ABLIM1: variants seen among roughly 807,000 people sequenced by gnomAD.
The protein encoded by ABLIM1 is actin binding LIM protein 1.
Under a neutral mutation model 107.0 loss-of-function variants are expected in ABLIM1, and 40 were observed. The ratio of observed to expected loss-of-function variants is 0.37; its 90% CI spans 0.29 to 0.49. The LOEUF is 0.49. ABLIM1 is among the 20% of genes least tolerant of loss of function. The pLI is 0.97. For missense variants in ABLIM1, 857 were observed against 1,008.5 expected (o/e 0.85, Z 2.04); for synonymous variants, 357 against 357.3 (o/e 1.00, Z 0.01).
chr10:114,766,122 T>C lies in ABLIM1; in HGVS notation c.-213+1939A>G, dbSNP rs111988654. ...CCAAGCTTAGCTCAGGCAAATTTTA[T>C]AATCTCTCAAAACCTCAATTCCTTC... On this transcript the variant is annotated intron_variant, in intron 1 of 15. Transcript: ENST00000651092. Among the ~76,000 whole-genome samples, 710 of 152,338 alleles carry C rather than the reference T, an allele frequency of 4.7e-3. 10 individuals are homozygous for C. Among genetic ancestry groups the C allele is most frequent in the African/African-American group, 0.016 (664 of 41,580 alleles).
chr10:114,781,707 T>C, the ABLIM1 span, among the ~76,000 whole-genome samples: 1 of 148,574 alleles, frequency 6.7e-6, no homozygotes, highest in Admixed American at 6.8e-5. Flanking sequence ...ACCATCCTTC[T>C]ACTTGCCCTA....
chr10:114,472,510 G>C (rs1290191336), intron 10 of ABLIM1, among the ~76,000 whole-genome samples: 1 of 152,172 alleles, frequency 6.6e-6, no homozygotes, highest in Non-Finnish European at 1.5e-5. Context: ...TCCTGTGCTA[G>C]ACTGTTGCCC....
intron 8 of ABLIM1, among the ~76,000 whole-genome samples, chr10:114,474,664 G>C (rs1342404877): frequency 2.0e-5 from 3 of 152,172 alleles, no homozygotes; most frequent in African/African-American, 7.2e-5. Flanking sequence ...ACAGGCGTGA[G>C]CCACCGCACT....
At position 114,601,631 on chromosome 10, in the gene ABLIM1, A is replaced by G. The variant is rs1260626943; in HGVS notation, c.379+196T>C. 9 of 855,428 alleles carry G rather than the reference A, an allele frequency of 1.1e-5. No homozygotes were observed. The African/African-American group carries it at 1.5e-4, about 14-fold the overall frequency. The allele number at this position is 855,428 out of a possible 1,614,324, so 53.0% of individuals were successfully genotyped here. A position where few individuals can be genotyped will look rare whatever the true frequency, so the allele number is the denominator to read the frequency against. The stretch of plus-strand genomic sequence containing the variant: ...CTCAGTGAGCACCCAAAGGCCCACG[A>G]ATCACTGGTTTTAGCAGGACTCGTT... On this transcript the variant is annotated intron_variant, in intron 2 of 22. Transcript: ENST00000533213.
exon 1 of ABLIM1, chr10:114,684,456 A>G: frequency 6.5e-7 from 1 of 1,541,798 alleles, no homozygotes; most frequent in Non-Finnish European, 8.8e-7. Context: ...CTCTCCTCCC[A>G]GGAGTCTGTG....
the ABLIM1 span, among the ~76,000 whole-genome samples, chr10:114,794,319 A>G: frequency 1.4e-4 from 21 of 152,184 alleles, no homozygotes; most frequent in African/African-American, 5.1e-4. Flanking sequence ...CTCATCCCCA[A>G]TTACAATGCA....
chr10:114,737,061 T>A (rs1281423990), intron 1 of ABLIM1, among the ~76,000 whole-genome samples: 1 of 139,950 alleles, frequency 7.1e-6, no homozygotes, highest in Non-Finnish European at 1.5e-5. Context: ...TAATAGCATG[T>A]GCCTGTAACC....
intron 1 of ABLIM1, among the ~76,000 whole-genome samples, chr10:114,734,946 T>G (rs375117511): frequency 9.7e-4 from 148 of 152,296 alleles, no homozygotes; most frequent in Middle Eastern, 3.4e-3. Flanking sequence ...AGCTTTAAAG[T>G]GAGAACATGC....
intron 4 of ABLIM1, among the ~76,000 whole-genome samples, chr10:114,564,800 G>A (rs1298392176): frequency 5.3e-5 from 8 of 152,136 alleles, no homozygotes; most frequent in Admixed American, 2.0e-4. Flanking sequence ...ACTGTCAACC[G>A]TTATACTGTG....
At chr10:114,621,434 A>G (rs372110493) in intron 1 of ABLIM1, among the ~76,000 whole-genome samples, 1 of 152,192 alleles carries the variant, frequency 6.6e-6, no homozygotes, top group African/African-American at 2.4e-5. Flanking sequence ...TCCCCGACCC[A>G]TACACCTCAT....
At chr10:114,441,905 T>C (rs1414027460) in intron 17 of ABLIM1, 119 bp from the exon 18 acceptor site, 1 of 866,808 alleles carries the variant, frequency 1.2e-6, no homozygotes. Context: ...TCAAATCATA[T>C]TGGGCTCAAA....
chr10:114,714,128 G>T (rs923258831), intron 1 of ABLIM1, among the ~76,000 whole-genome samples: 1 of 152,182 alleles, frequency 6.6e-6, no homozygotes, highest in Admixed American at 6.5e-5. Flanking sequence ...GCCCTTCTAT[G>T]TTGTTTAGCC....
chr10:114,603,974 G>A (rs1052131867), intron 1 of ABLIM1, among the ~76,000 whole-genome samples: 26 of 127,542 alleles, frequency 2.0e-4, no homozygotes, highest in African/African-American at 7.2e-4. Context: ...AAAAAAAAAA[G>A]TTTTCCTTAA....
the ABLIM1 span, among the ~76,000 whole-genome samples, chr10:114,781,675 T>TTC: frequency 1.3e-4 from 19 of 148,012 alleles, no homozygotes; most frequent in African/African-American, 4.2e-4. Flanking sequence ...TATATATATA[T>TTC]ATATATATAT....
intron 1 of ABLIM1, among the ~76,000 whole-genome samples, chr10:114,745,018 C>T (rs2082354768): frequency 6.6e-6 from 1 of 152,058 alleles, no homozygotes. Context: ...GAAACAGCAC[C>T]ACAACCCCCG....
chr10:114,600,801 T>C (rs1443966031), intron 2 of ABLIM1, among the ~76,000 whole-genome samples: 2 of 152,122 alleles, frequency 1.3e-5, no homozygotes, highest in Non-Finnish European at 2.9e-5. Context: ...AGACATGCCC[T>C]CAGCCCAAGT....
intron 12 of ABLIM1, among the ~76,000 whole-genome samples, chr10:114,456,861 C>T (rs1179293668): frequency 6.6e-6 from 1 of 151,410 alleles, no homozygotes; most frequent in Non-Finnish European, 1.5e-5. Flanking sequence ...TGAATGCTGT[C>T]ACCAGTTGGG....
chr10:114,686,556 A>C (rs888214798), upstream of ABLIM1, among the ~76,000 whole-genome samples: 13 of 151,618 alleles, frequency 8.6e-5, no homozygotes, highest in Admixed American at 8.5e-4. Flanking sequence ...AACTGCCTAG[A>C]AACTTGTTTA....
chr10:114,506,129 C>T (rs1377311746), intron 6 of ABLIM1, among the ~76,000 whole-genome samples: 3 of 152,174 alleles, frequency 2.0e-5, no homozygotes, highest in Non-Finnish European at 2.9e-5. Context: ...TTTTCTGTTC[C>T]TGTATTAGTT....
Sources: gnomAD v4.1 joint callset for allele counts (sites outside exome capture counted in the v4.1 genomes callset) on GRCh38, gnomAD v4.1.1 for gene constraint, MANE v1.5 for transcripts, NCBI Gene and HGNC (gene_info 2026-07-23, HGNC 2026-07-21) for gene names.